The following RGS6 variants were observed in gnomAD, a reference collection of about 807,000 sequenced individuals.
RGS6 encodes the protein regulator of G-protein signaling 6.
In RGS6, 30 loss-of-function variants were observed where a neutral mutation model predicts 78.5. That is an observed-to-expected ratio of 0.38 (90% CI 0.29 to 0.52). RGS6 has a LOEUF of 0.52. RGS6 is among the 20% of genes least tolerant of loss of function. RGS6 has a pLI of 0.85. For synonymous variants in RGS6, 206 were observed against 206.0 expected (o/e 1.00, Z 0.00); for missense variants, 495 against 609.7 (o/e 0.81, Z 1.98).
intron 2 of RGS6, among the ~76,000 whole-genome samples, chr14:72,012,267 G>A (rs976863864): frequency 1.3e-5 from 2 of 152,178 alleles, no homozygotes; most frequent in African/African-American, 2.4e-5. Context: ...TCAGAGGTAA[G>A]TATAATGAAT....
chr14:72,076,406 ATTTC>A (rs2094575905), intron 2 of RGS6, among the ~76,000 whole-genome samples: 1 of 152,082 alleles, frequency 6.6e-6, no homozygotes, highest in African/African-American at 2.4e-5. Flanking sequence ...ACTGTTTGGT[ATTTC>A]TTTTCTGTTT....
intron 17 of RGS6, chr14:72,550,775 A>C: frequency 7.1e-5 from 50 of 703,294 alleles, no homozygotes; most frequent in Non-Finnish European, 8.8e-5. Flanking sequence ...TTCACATCTC[A>C]TTCTTGGCTA....
At chr14:72,394,538 C>T (rs559989855) in intron 3 of RGS6, among the ~76,000 whole-genome samples, 1 of 152,294 alleles carries the variant, frequency 6.6e-6, no homozygotes, top group Admixed American at 6.5e-5. Context: ...CAGGGATGTT[C>T]CTTGCTGAGA....
chr14:72,289,017 A>C (rs770457249), intron 2 of RGS6, among the ~76,000 whole-genome samples: 2 of 152,204 alleles, frequency 1.3e-5, no homozygotes, highest in Non-Finnish European at 2.9e-5. Flanking sequence ...CGAAACCCAA[A>C]TTTAGAAATG....
At chr14:72,589,088 C>T in the RGS6 span, among the ~76,000 whole-genome samples, 1 of 152,280 alleles carries the variant, frequency 6.6e-6, no homozygotes, top group Admixed American at 6.5e-5. Context: ...CTGCTGAACA[C>T]TTGGAAGGAT....
chr14:72,075,198 T>G (rs1450044208), intron 2 of RGS6, among the ~76,000 whole-genome samples: 1 of 152,202 alleles, frequency 6.6e-6, no homozygotes, highest in Non-Finnish European at 1.5e-5. Context: ...ATTAGAAAAC[T>G]CGCCCATTTT....
the RGS6 span, among the ~76,000 whole-genome samples, chr14:71,911,140 T>A: frequency 1.3e-5 from 2 of 152,220 alleles, no homozygotes; most frequent in African/African-American, 4.8e-5. Context: ...AACTTATTAA[T>A]AGGCAGAGTA....
intron 15 of RGS6, among the ~76,000 whole-genome samples, chr14:72,528,900 T>A (rs935605447): frequency 6.6e-6 from 1 of 152,184 alleles, no homozygotes; most frequent in African/African-American, 2.4e-5. Flanking sequence ...AGCACCCCCA[T>A]AAATCAGCAG....
intron 3 of RGS6, among the ~76,000 whole-genome samples, chr14:72,425,882 C>T (rs1472453617): frequency 6.6e-6 from 1 of 152,222 alleles, no homozygotes; most frequent in Admixed American, 6.5e-5. Flanking sequence ...AAAACTACTT[C>T]TTCAGCTAAA....
Position 72,565,579 on chromosome 14 carries a change from CA to C in RGS6, c.*3113del, listed in dbSNP as rs2097706443. 6.6e-6 allele frequency: 1 copy of C among 152,226 alleles called. No homozygotes were observed. Among genetic ancestry groups the C allele is most frequent in the South Asian group, 2.1e-4 (1 of 4,826 alleles). 9.4% of individuals were successfully genotyped at this position (152,226 alleles called of 1,614,324 possible). A position where few individuals can be genotyped will look rare whatever the true frequency, so the allele number is the denominator to read the frequency against. The stretch of plus-strand genomic sequence containing the variant: ...AGCTGGGCCTGCGCTCCAGGCTCAC[CA>C]CCGCTAAGTGGTCAGGTACCGGGCC... On this transcript the variant is annotated 3_prime_UTR_variant, in exon 18 of 18. Transcript: ENST00000553525.
intron 2 of RGS6, among the ~76,000 whole-genome samples, chr14:72,059,537 T>G (rs1217140219): frequency 6.6e-6 from 1 of 152,212 alleles, no homozygotes; most frequent in African/African-American, 2.4e-5. Context: ...TGGTACTGTT[T>G]AGAACACATG....
At chr14:72,552,363 T>TG (rs2097520323) in intron 17 of RGS6, among the ~76,000 whole-genome samples, 2 of 152,150 alleles carry the variant, frequency 1.3e-5, no homozygotes, top group Non-Finnish European at 2.9e-5. Flanking sequence ...CTGTGGGAAC[T>TG]GGGGGGCTTG....
intron 2 of RGS6, among the ~76,000 whole-genome samples, chr14:72,312,525 T>C (rs1015934381): frequency 1.3e-5 from 2 of 152,238 alleles, no homozygotes; most frequent in African/African-American, 2.4e-5. Context: ...TGTGTTTCCT[T>C]ATGCAAGTGT....
intron 8 of RGS6, among the ~76,000 whole-genome samples, chr14:72,470,321 G>A (rs1301948245): frequency 6.6e-6 from 1 of 152,222 alleles, no homozygotes; most frequent in Non-Finnish European, 1.5e-5. Flanking sequence ...TCCTCCCAAA[G>A]GTAGAACTCT....
chr14:72,021,769 G>C (rs1391764165), intron 2 of RGS6, among the ~76,000 whole-genome samples: 3 of 150,218 alleles, frequency 2.0e-5, no homozygotes, highest in Non-Finnish European at 4.4e-5. Flanking sequence ...ACTGCGCCTG[G>C]CCTTTTTTTT....
chr14:72,545,734 G>A (rs1366047686), intron 17 of RGS6, among the ~76,000 whole-genome samples: 2 of 152,144 alleles, frequency 1.3e-5, no homozygotes, highest in Non-Finnish European at 2.9e-5. Context: ...CAGGAGAACT[G>A]AGTGCCCCAG....
chr14:72,182,136 G>A (rs975821375), intron 2 of RGS6, among the ~76,000 whole-genome samples: 3 of 152,032 alleles, frequency 2.0e-5, no homozygotes, highest in African/African-American at 4.8e-5. Flanking sequence ...TAGGCCAGGC[G>A]CAGTGGCTCA....
At chr14:72,179,785 T>A (rs1357990297) in intron 2 of RGS6, among the ~76,000 whole-genome samples, 1 of 152,032 alleles carries the variant, frequency 6.6e-6, no homozygotes, top group African/African-American at 2.4e-5. Flanking sequence ...GGGCATCACC[T>A]GGGAACTTGT....
chr14:72,101,600 A>G (rs2095529729), intron 2 of RGS6, among the ~76,000 whole-genome samples: 1 of 152,174 alleles, frequency 6.6e-6, no homozygotes, highest in African/African-American at 2.4e-5. Flanking sequence ...TCTTCAAGGC[A>G]GAGGGGTTGC....
Sources: allele counts gnomAD v4.1 joint callset (sites outside exome capture counted in the v4.1 genomes callset), GRCh38; gene constraint gnomAD v4.1.1; transcripts MANE v1.5; gene names NCBI Gene and HGNC (gene_info 2026-07-23, HGNC 2026-07-21).